The following AKAP13 variants were observed in gnomAD, a reference collection of about 807,000 sequenced individuals.
AKAP13 encodes A-kinase anchoring protein 13.
In AKAP13, 80 loss-of-function variants were observed where a neutral mutation model predicts 264.5. The observed-to-expected ratio is 0.30, with a 90% CI of 0.25 to 0.36. AKAP13 has a LOEUF of 0.36. Among genes scored for constraint, AKAP13 ranks in the 10% least tolerant of loss-of-function variants. The probability of loss-of-function intolerance (pLI) is 1.00; values close to 1 mark genes in which losing one functional copy is unlikely to be tolerated. For missense variants in AKAP13, 3,712 were observed against 3,435.2 expected (o/e 1.08, Z -2.01); for synonymous variants, 1,380 against 1,250.2 (o/e 1.10, Z -2.19).
At chr15:85,585,473 G>A (rs767252985) in intron 7 of AKAP13, among the ~76,000 whole-genome samples, 3 of 152,148 alleles carry the variant, frequency 2.0e-5, no homozygotes, top group African/African-American at 7.2e-5. Context: ...TTGGATCCTC[G>A]CTTAGTTCCA....
At position 85,662,246 on chromosome 15, in the gene AKAP13, AGT is replaced by A. The variant is rs2083387320; in HGVS notation, c.4800-2314_4800-2313del. On this transcript the variant is annotated intron_variant, in intron 12 of 36. Coordinates refer to ENST00000394518, the MANE Select transcript of AKAP13 (RefSeq NM_007200.5). The stretch of plus-strand genomic sequence containing the variant: ...TATTATAGCCTTTTTAAAAATTGTC[AGT>A]GTTACATTCCTAAATTTTTTGTTGA... 8.2e-5 allele frequency: 57 copies of A among 692,734 alleles called. No homozygotes were observed. The South Asian group carries it at 1.0e-3, about 12-fold the overall frequency. 42.9% of individuals were successfully genotyped at this position (692,734 alleles called of 1,614,324 possible).
chr15:85,578,741 AG>A (rs1304611051), intron 6 of AKAP13, among the ~76,000 whole-genome samples, 188 bp from the exon 7 acceptor site: 1 of 152,194 alleles, frequency 6.6e-6, no homozygotes, highest in Non-Finnish European at 1.5e-5. Context: ...GTATATAGGC[AG>A]ATATGAAAGG....
chr15:85,485,791 A>T (rs759436762), intron 2 of AKAP13, 38 bp downstream of exon 2: 5 of 1,598,946 alleles, frequency 3.1e-6, no homozygotes, highest in South Asian at 1.1e-5. Context: ...TTTTGTGTTT[A>T]TCTGTTCTGC....
chr15:85,534,169 G>T, intron 4 of AKAP13: 1 of 417,088 alleles, frequency 2.4e-6, no homozygotes, highest in East Asian at 3.5e-5. Flanking sequence ...TGTAGAAAGT[G>T]ACATGCTCTT....
intron 8 of AKAP13, among the ~76,000 whole-genome samples, chr15:85,629,220 G>GA (rs1317095158): frequency 6.6e-6 from 1 of 151,866 alleles, no homozygotes; most frequent in Non-Finnish European, 1.5e-5. Context: ...GGGAAGGAGG[G>GA]AAAATGAAAG....
intron 5 of AKAP13, among the ~76,000 whole-genome samples, chr15:85,564,896 A>C (rs1376364479): frequency 6.6e-6 from 1 of 152,174 alleles, no homozygotes; most frequent in Non-Finnish European, 1.5e-5. Flanking sequence ...GGGCTTCCAG[A>C]TGAGTAAGAT....
At position 85,518,955 on chromosome 15, in the gene AKAP13, C is replaced by G. The variant is rs16940849; in HGVS notation, c.34-2473C>G. Among the ~76,000 whole-genome samples the G allele has an allele frequency of 1.8e-4, 28 of 152,302 alleles. No individual in the cohort carries two copies. In the East Asian group the frequency reaches 4.8e-3, roughly 26 times the overall value. On this transcript the variant is annotated intron_variant, in intron 2 of 36. Transcript: ENST00000394518. ...TATAATTAGCCACCTCCTCTGTCCC[C>G]AAAGGAAGGCCCAGACTTCACTAGT...
chr15:85,557,448 T>G (rs190581424), intron 5 of AKAP13, among the ~76,000 whole-genome samples: 3 of 152,368 alleles, frequency 2.0e-5, no homozygotes. Flanking sequence ...ATAGAGCTTC[T>G]TTTGTTGTCG....
At chr15:85,475,394 G>T (rs1044457188) in intron 1 of AKAP13, among the ~76,000 whole-genome samples, 1 of 152,142 alleles carries the variant, frequency 6.6e-6, no homozygotes, top group Admixed American at 6.5e-5. Flanking sequence ...AATGGCCATT[G>T]GGAGTTTTCT....
intron 1 of AKAP13, among the ~76,000 whole-genome samples, chr15:85,466,613 G>A (rs1051607945): frequency 1.3e-5 from 2 of 152,118 alleles, no homozygotes; most frequent in African/African-American, 2.4e-5. Context: ...AATAGGGAAG[G>A]ATCTTAGTCA....
chr15:85,520,498 CAAAAAAAAAAAAA>C (rs71468111), intron 2 of AKAP13, among the ~76,000 whole-genome samples: 57 of 71,304 alleles, frequency 8.0e-4, no homozygotes, highest in Non-Finnish European at 1.4e-3. Context: ...AACTCCGTCT[CAAAAAAAAAAAAA>C]AAAAAAAAAA....
intron 1 of AKAP13, among the ~76,000 whole-genome samples, chr15:85,406,252 T>C (rs1230389628): frequency 1.3e-5 from 2 of 152,202 alleles, no homozygotes; most frequent in African/African-American, 2.4e-5. Context: ...TTATTTCCAT[T>C]GTGCCTGTAA....
At chr15:85,546,050 A>G (rs1349346728) in intron 5 of AKAP13, among the ~76,000 whole-genome samples, 2 of 152,088 alleles carry the variant, frequency 1.3e-5, no homozygotes, top group African/African-American at 2.4e-5. Context: ...CATTCTAGGT[A>G]CCTCATATAA....
At chr15:85,740,415 G>T in intron 34 of AKAP13, 143 bp downstream of exon 34, 1 of 872,890 alleles carries the variant, frequency 1.1e-6, no homozygotes, top group Middle Eastern at 3.4e-4. Flanking sequence ...GGCTCTCGTG[G>T]TGAGAAAGTT....
At chr15:85,585,569 C>T (rs1470119370) in intron 7 of AKAP13, 133 bp from the exon 8 acceptor site, 1 of 1,287,814 alleles carries the variant, frequency 7.8e-7, no homozygotes, top group Non-Finnish European at 1.1e-6. Context: ...TAGCCGCTGA[C>T]AACAAAAGAA....
At chr15:85,583,929 A>T (rs1056169784) in intron 7 of AKAP13, among the ~76,000 whole-genome samples, 1 of 152,162 alleles carries the variant, frequency 6.6e-6, no homozygotes, top group Admixed American at 6.5e-5. Flanking sequence ...CCTGTTACCA[A>T]AAGGAGTCAT....
intron 1 of AKAP13, among the ~76,000 whole-genome samples, chr15:85,442,005 T>A (rs1035318047): frequency 2.0e-5 from 3 of 152,208 alleles, no homozygotes; most frequent in Non-Finnish European, 4.4e-5. Context: ...TGGCTTTAGT[T>A]AAGAAGGTGA....
chr15:85,591,616 G>A (rs2079582176), intron 8 of AKAP13, among the ~76,000 whole-genome samples: 1 of 151,824 alleles, frequency 6.6e-6, no homozygotes, highest in Non-Finnish European at 1.5e-5. Flanking sequence ...AGCAGGAGAT[G>A]ACATTGAATA....
At chr15:85,690,514 TGAA>T (rs2085220021) in intron 16 of AKAP13, among the ~76,000 whole-genome samples, 1 of 152,270 alleles carries the variant, frequency 6.6e-6, no homozygotes, top group Non-Finnish European at 1.5e-5. Context: ...TTTTGTAAAG[TGAA>T]GGAGTTTTTC....
Sources: gnomAD v4.1 joint callset for allele counts (sites outside exome capture counted in the v4.1 genomes callset) on GRCh38, gnomAD v4.1.1 for gene constraint, MANE v1.5 for transcripts, NCBI Gene and HGNC (gene_info 2026-07-23, HGNC 2026-07-21) for gene names.